The following BMERB1 variants were observed in gnomAD, a reference collection of about 807,000 sequenced individuals.
The protein encoded by BMERB1 is bMERB domain-containing protein 1.
Under a neutral mutation model 23.6 loss-of-function variants are expected in BMERB1, and 12 were observed. The observed-to-expected ratio is 0.51, with a 90% CI of 0.33 to 0.82. The LOEUF (loss-of-function observed/expected upper bound fraction) is 0.82. Among genes scored for constraint, BMERB1 ranks in the 40% least tolerant of loss-of-function variants. The pLI is 0.03. For synonymous variants in BMERB1, 122 were observed against 96.6 expected, an observed-to-expected ratio of 1.26 and a Z score of -1.54; for missense variants, 247 against 255.4, an observed-to-expected ratio of 0.97 and a Z score of 0.22.
Position 15,561,256 on chromosome 16 carries a change from ATTTTTTTTTTTT to A in BMERB1, c.231-6710_231-6699del, listed in dbSNP as rs35139646. ...ACAGGTGTGAGCCACCACGCCGGCCATTTTTTTTTTTTTTTTTTTTTTTTTTTTGGGAGAAGG... is the reference window on the plus strand; with the variant it reads ...ACAGGTGTGAGCCACCACGCCGGCCATTTTTTTTTTTTTTTTGGGAGAAGG... On this transcript the variant is annotated intron_variant, in intron 2 of 5. Transcript: ENST00000300006. Among the ~76,000 whole-genome samples the A allele has an allele frequency of 2.1e-4, 9 of 42,214 alleles. 1 individual carries two copies. In the Admixed American group the frequency reaches 2.6e-3, roughly 12 times the overall value. 27.7% of individuals were successfully genotyped at this position (42,214 alleles called of 152,430 possible).
intron 2 of BMERB1, among the ~76,000 whole-genome samples, chr16:15,517,738 GTGTGTGGATATT>G (rs2051781667): frequency 6.6e-6 from 1 of 151,958 alleles, no homozygotes; most frequent in Admixed American, 6.5e-5. Flanking sequence ...GTGTGCGCGT[GTGTGTGGATATT>G]TGTGTGGATG....
intron 1 of BMERB1, among the ~76,000 whole-genome samples, chr16:15,468,135 CTTTTTTTTTTTTT>C (rs749534588): frequency 3.2e-5 from 1 of 31,018 alleles, no homozygotes; most frequent in Non-Finnish European, 7.7e-5. Flanking sequence ...CTTTCTTCTT[CTTTTTTTTTTTTT>C]TTTTTTTTTT....
At chr16:15,503,079 G>C (rs1263460291) in intron 1 of BMERB1, among the ~76,000 whole-genome samples, 1 of 152,080 alleles carries the variant, frequency 6.6e-6, no homozygotes, top group East Asian at 1.9e-4. Context: ...ACCAATTATG[G>C]ATGGAAAATA....
At chr16:15,547,341 T>C (rs1167951233) in intron 2 of BMERB1, among the ~76,000 whole-genome samples, 1 of 147,352 alleles carries the variant, frequency 6.8e-6, no homozygotes, top group Non-Finnish European at 1.5e-5. Flanking sequence ...TTTTTTCTTC[T>C]TCTTTTTTTT....
In BMERB1 at chr16:15,586,854, A is replaced by G; in HGVS notation, c.*25A>G. 1 of 1,460,606 alleles carries G rather than the reference A, an allele frequency of 6.8e-7. No homozygotes were observed. The highest frequency in any genetic ancestry group is 9.3e-7 in the Non-Finnish European group (1 of 1,073,762). 90.5% of individuals were successfully genotyped at this position (1,460,606 alleles called of 1,614,324 possible). ...GCCCCCACGTGGGGTGCCCTGGGCC[A>G]TGGGGACCCCCCCCCACCCTCTTGT... On this transcript the variant is annotated 3_prime_UTR_variant, in exon 6 of 6. Transcript: ENST00000300006.
intron 3 of BMERB1, among the ~76,000 whole-genome samples, chr16:15,569,729 A>C (rs1423625171): frequency 6.6e-6 from 1 of 152,146 alleles, no homozygotes. Context: ...CAGAAATGCA[A>C]AACCTAAAGA....
At chr16:15,455,700 G>T (rs1157519995) in intron 1 of BMERB1, among the ~76,000 whole-genome samples, 1 of 152,000 alleles carries the variant, frequency 6.6e-6, no homozygotes, top group African/African-American at 2.4e-5. Context: ...AACCTCAGGT[G>T]ATCCACCAGC....
chr16:15,540,883 G>A (rs1340113758), intron 2 of BMERB1, among the ~76,000 whole-genome samples: 5 of 152,252 alleles, frequency 3.3e-5, no homozygotes, highest in Admixed American at 6.5e-5. Context: ...TACCAAATAC[G>A]TGCCATTTTT....
chr16:15,515,462 G>A lies in BMERB1; in HGVS notation c.230+34G>A, dbSNP rs2051738175. The A allele has an allele frequency of 3.1e-6, 5 of 1,605,490 alleles. No individual in the cohort carries two copies. In the Admixed American group the frequency reaches 5.1e-5, roughly 16 times the overall value. ...TTTGGGGATGTGGCCAAGGAAAGAA[G>A]TGTGTGGAGGAGAGAGGAAAACCTA... On this transcript the variant is annotated intron_variant, in intron 2 of 5. Coordinates refer to ENST00000300006, the MANE Select transcript of BMERB1 (RefSeq NM_033201.3).
intron 1 of BMERB1, among the ~76,000 whole-genome samples, chr16:15,449,982 C>T (rs1207569400): frequency 6.6e-6 from 1 of 151,496 alleles, no homozygotes; most frequent in Non-Finnish European, 1.5e-5. Context: ...GAACTCCTGG[C>T]CTCAAGTGAT....
intron 2 of BMERB1, among the ~76,000 whole-genome samples, chr16:15,554,578 C>T (rs2030192974): frequency 6.6e-6 from 1 of 151,796 alleles, no homozygotes; most frequent in Non-Finnish European, 1.5e-5. Flanking sequence ...GCAGGAGGAT[C>T]CCTTAAGCCC....
chr16:15,489,568 G>C (rs1387457028), intron 1 of BMERB1, among the ~76,000 whole-genome samples: 1 of 152,048 alleles, frequency 6.6e-6, no homozygotes, highest in East Asian at 1.9e-4. Flanking sequence ...TTTGTTTGGG[G>C]AAGCAATGAC....
chr16:15,524,464 T>C (rs1370825174), intron 2 of BMERB1, among the ~76,000 whole-genome samples: 6 of 152,076 alleles, frequency 3.9e-5, no homozygotes, highest in African/African-American at 1.4e-4. Context: ...TCTGTGTTGA[T>C]TGAATGGAGA....
At chr16:15,444,679 G>GGCCTGCATGGAAGTCC (rs1250068607) in intron 1 of BMERB1, among the ~76,000 whole-genome samples, 1 of 152,164 alleles carries the variant, frequency 6.6e-6, no homozygotes, top group Admixed American at 6.6e-5. Flanking sequence ...CATAGTATGA[G>GGCCTGCATGGAAGTCC]TACATGGTGG....
intron 1 of BMERB1, among the ~76,000 whole-genome samples, chr16:15,490,525 C>G (rs2051410648): frequency 6.6e-6 from 1 of 152,096 alleles, no homozygotes; most frequent in South Asian, 2.1e-4. Flanking sequence ...TCAAGCAACC[C>G]TCCTGCCTCA....
rs2031183035 is a variant in BMERB1 at position 15,587,587 on chromosome 16, G to T, written c.*758G>T. On this transcript the variant is annotated 3_prime_UTR_variant, in exon 6 of 6. Coordinates refer to ENST00000300006, the MANE Select transcript of BMERB1 (RefSeq NM_033201.3). The stretch of plus-strand genomic sequence containing the variant: ...AGGGAACCGGAAGCTCTGATGTCAA[G>T]GCCAGAGCAGTTGAGAATGGGACCC... The T allele has an allele frequency of 4.4e-6, 2 of 451,328 alleles. No homozygotes were observed. The highest frequency in any genetic ancestry group is 8.9e-6 in the Non-Finnish European group (2 of 223,504). 28.0% of individuals were successfully genotyped at this position (451,328 alleles called of 1,614,324 possible).
intron 1 of BMERB1, among the ~76,000 whole-genome samples, chr16:15,506,739 A>G (rs2051596397): frequency 6.6e-6 from 1 of 151,844 alleles, no homozygotes; most frequent in South Asian, 2.1e-4. Flanking sequence ...AATGTAACAC[A>G]TGGTTGCGTT....
At chr16:15,550,962 G>A (rs553381052) in intron 2 of BMERB1, among the ~76,000 whole-genome samples, 4 of 152,332 alleles carry the variant, frequency 2.6e-5, no homozygotes, top group Non-Finnish European at 5.9e-5. Flanking sequence ...ACTTGGGAGT[G>A]GAGAGGGTGG....
Position 15,560,865 on chromosome 16 carries a change from A to G in BMERB1, c.231-7118A>G, listed in dbSNP as rs955809929. Among the ~76,000 whole-genome samples, 7 of 150,926 alleles carry G rather than the reference A, an allele frequency of 4.6e-5. No homozygotes were observed. The East Asian group carries it at 9.7e-4, about 21-fold the overall frequency. On this transcript the variant is annotated intron_variant, in intron 2 of 5. Coordinates refer to ENST00000300006, the MANE Select transcript of BMERB1 (RefSeq NM_033201.3). Reference sequence around the variant, plus strand: ...AAGAAGAGTATAAGCACTGAAAGTTATTTTTAAAAAGGTTTTACTTGTTAG... The same window carrying G: ...AAGAAGAGTATAAGCACTGAAAGTTGTTTTTAAAAAGGTTTTACTTGTTAG...
Sources: gnomAD v4.1 joint callset for allele counts (sites outside exome capture counted in the v4.1 genomes callset) on GRCh38, gnomAD v4.1.1 for gene constraint, MANE v1.5 for transcripts, NCBI Gene and HGNC (gene_info 2026-07-23, HGNC 2026-07-21) for gene names.